The following NOS1 variants were observed in gnomAD, a reference collection of about 807,000 sequenced individuals.
NOS1 encodes nitric oxide synthase 1.
NOS1 carries 51 observed loss-of-function variants against 164.5 expected under a neutral mutation model. The ratio of observed to expected loss-of-function variants is 0.31; its 90% CI spans 0.25 to 0.39. The LOEUF (loss-of-function observed/expected upper bound fraction) is 0.39, where lower values mean the gene tolerates loss of function less well. NOS1 is among the 10% of genes least tolerant of loss of function. The probability of loss-of-function intolerance (pLI) is 1.00; values close to 1 mark genes in which losing one functional copy is unlikely to be tolerated. For synonymous variants in NOS1, 719 were observed against 745.8 expected (o/e 0.96, Z 0.59); for missense variants, 1,362 against 1,885.6 (o/e 0.72, Z 5.14).
At chr12:117,266,100 TTTTC>T (rs1872387714) in intron 11 of NOS1, among the ~76,000 whole-genome samples, 1 of 151,616 alleles carries the variant, frequency 6.6e-6, no homozygotes, top group Non-Finnish European at 1.5e-5. Flanking sequence ...TGCCCGGCCT[TTTTC>T]TTTTTCTATT....
intron 21 of NOS1, among the ~76,000 whole-genome samples, chr12:117,232,819 T>C (rs1483467064): frequency 6.6e-6 from 1 of 152,166 alleles, no homozygotes; most frequent in Non-Finnish European, 1.5e-5. Context: ...AAAAGCTCTA[T>C]TTCAACACAG....
intron 3 of NOS1, among the ~76,000 whole-genome samples, chr12:117,292,517 C>T (rs565954869): frequency 1.1e-4 from 17 of 152,230 alleles, no homozygotes; most frequent in African/African-American, 2.9e-4. Flanking sequence ...CAGAGAACTG[C>T]GAAGGACTAA....
At chr12:117,334,319 G>T (rs1238485237) in intron 1 of NOS1, among the ~76,000 whole-genome samples, 3 of 152,170 alleles carry the variant, frequency 2.0e-5, no homozygotes. Context: ...CTGGGGAGAG[G>T]CAGATATATT....
At chr12:117,317,597 C>T (rs3782212) in intron 2 of NOS1, among the ~76,000 whole-genome samples, 39,878 of 151,616 alleles carry the variant, frequency 0.26, 5,644 homozygotes, top group Non-Finnish European at 0.31. Flanking sequence ...AGCATCTCAA[C>T]GCAATGCTTC....
At chr12:117,305,101 A>G (rs1312055535) in intron 3 of NOS1, 3 of 983,132 alleles carry the variant, frequency 3.1e-6, no homozygotes, top group Non-Finnish European at 3.6e-6. Context: ...TCTTTGTGAC[A>G]TTAACAATGC....
chr12:117,330,583 A>T lies in NOS1; in HGVS notation c.487T>A (p.Tyr163Asn). The T allele has an allele frequency of 6.2e-7, 1 of 1,612,690 alleles. No individual in the cohort carries two copies. ...GAGCCAGCCTCCTGCCCATCATCGT[A>T]GGCATGCTGAGGCCCATTCCCGGGA... ...SGPGNGPQHA[Y>N]DDGQEAGSLP... The change falls in exon 2 of 29, where the codon TAC (tyrosine) becomes AAC (asparagine). Residue 163 changes from tyrosine to asparagine, a missense_variant. Transcript: ENST00000317775. The surrounding 1 kb of genome is among the most constrained non-coding windows in gnomAD (Gnocchi z 4.6).
At chr12:117,265,610 G>A in intron 11 of NOS1, 100 bp from the exon 12 acceptor site, 2 of 894,300 alleles carry the variant, frequency 2.2e-6, no homozygotes, top group Non-Finnish European at 3.2e-6. Context: ...GGTGGTCCCT[G>A]AGATGGTTTA....
chr12:117,351,662 C>T (rs1593043931), intron 1 of NOS1, among the ~76,000 whole-genome samples: 2 of 152,276 alleles, frequency 1.3e-5, no homozygotes, highest in African/African-American at 4.8e-5. Context: ...TCAACCTTGC[C>T]AAGAAACTGA....
chr12:117,325,063 T>C (rs1875176465), intron 2 of NOS1, among the ~76,000 whole-genome samples: 1 of 152,212 alleles, frequency 6.6e-6, no homozygotes, highest in Non-Finnish European at 1.5e-5. Context: ...CCACCTCAGC[T>C]TGGCTCCCCG....
chr12:117,310,833 T>A lies in NOS1; in HGVS notation c.852+633A>T, dbSNP rs563881599. ...ACTAATTAAAAAAAAATTTTTTTTT[T>A]AAAAGAGATAGGGTCTCGCTATGTA... On this transcript the variant is annotated intron_variant, in intron 3 of 28. Transcript: ENST00000317775. Among the ~76,000 whole-genome samples the A allele has an allele frequency of 2.5e-4, 38 of 152,174 alleles. No individual in the cohort carries two copies. In the South Asian group the frequency reaches 5.8e-3, roughly 23 times the overall value.
chr12:117,250,871 T>C (rs1871047194), intron 17 of NOS1, among the ~76,000 whole-genome samples: 1 of 152,212 alleles, frequency 6.6e-6, no homozygotes, highest in African/African-American at 2.4e-5. Flanking sequence ...CTGTGATTTA[T>C]GTTTGTGATG....
At position 117,265,390 on chromosome 12, in the gene NOS1, T is replaced by A; in HGVS notation, c.2062A>T (p.Met688Leu). 6.3e-7 allele frequency: 1 copy of A among 1,589,702 alleles called. No individual in the cohort carries two copies. The highest frequency in any genetic ancestry group is 8.6e-7 in the Non-Finnish European group (1 of 1,167,782). ...PADWVWIVPP[M>L]SGSITPVFHQ... The stretch of plus-strand genomic sequence containing the variant: ...AACACAGGGGTGATGCTTCCGGACA[T>A]GGGGGGCACGATCCACACCCAGTCG... Residue 688 changes from methionine to leucine, a missense_variant, in exon 12 of 29, where the codon ATG (methionine) becomes TTG (leucine). Physicochemically the swap from Met to Leu is conservative, Grantham distance 15. This residue lies in a region of NOS1 where 737 missense variants were observed against 1,030.3 expected (regional missense o/e 0.72). Coordinates refer to ENST00000317775, the MANE Select transcript of NOS1 (RefSeq NM_000620.5).
chr12:117,288,399 A>C (rs1872847317), intron 4 of NOS1, among the ~76,000 whole-genome samples, 180 bp from the exon 5 acceptor site: 1 of 152,182 alleles, frequency 6.6e-6, no homozygotes, highest in African/African-American at 2.4e-5. Context: ...GTTAAGGAAC[A>C]ATAAGTAGCA....
chr12:117,322,693 C>G, intron 2 of NOS1, among the ~76,000 whole-genome samples: 1 of 141,794 alleles, frequency 7.1e-6, no homozygotes, highest in Non-Finnish European at 1.5e-5. Context: ...TTCCTTCCTT[C>G]CTTCCCTCCT....
At position 117,361,540 on chromosome 12, in the gene NOS1, C is replaced by G. The variant is rs1236308132; in HGVS notation, c.-449G>C. 1 of 152,064 alleles carries G rather than the reference C, an allele frequency of 6.6e-6. No homozygotes were observed. The highest frequency in any genetic ancestry group is 1.5e-5 in the Non-Finnish European group (1 of 68,092). 9.4% of individuals were successfully genotyped at this position (152,064 alleles called of 1,614,324 possible). On this transcript the variant is annotated 5_prime_UTR_variant, in exon 1 of 29. Coordinates refer to ENST00000317775, the MANE Select transcript of NOS1 (RefSeq NM_000620.5). ...GTCCGCTCGGCCGCTGCTCGCTGCC[C>G]GGCCGCCCCTCGGAGGAGCCGCGGC...
At chr12:117,263,267 T>C (rs990890587) in intron 13 of NOS1, among the ~76,000 whole-genome samples, 2 of 152,054 alleles carry the variant, frequency 1.3e-5, no homozygotes, top group Admixed American at 1.3e-4. Flanking sequence ...GGGTCAGCCC[T>C]GAACGAGGGT....
Position 117,286,535 on chromosome 12 carries a change from G to A in NOS1, c.1128-269C>T, listed in dbSNP as rs187149997. 6.4e-4 allele frequency among the ~76,000 whole-genome samples: 97 copies of A among 152,222 alleles called. 1 individual carries two copies. Among genetic ancestry groups the A allele is most frequent in the Admixed American group, 1.6e-3 (24 of 15,292 alleles). ...GGCCTTGTCCAAAGCGGGCAGCCAC[G>A]GCTCCACTCCTGTCAGTTGTCACCT... On this transcript the variant is annotated intron_variant, in intron 5 of 28. Coordinates refer to ENST00000317775, the MANE Select transcript of NOS1 (RefSeq NM_000620.5).
intron 17 of NOS1, among the ~76,000 whole-genome samples, chr12:117,249,744 T>C (rs1025172624): frequency 6.6e-6 from 1 of 152,002 alleles, no homozygotes; most frequent in Non-Finnish European, 1.5e-5. Flanking sequence ...TATTTCTCTA[T>C]GTTGAGGTGG....
chr12:117,268,164 C>G lies in NOS1; in HGVS notation c.1840-20G>C. 1 of 1,509,716 alleles carries G rather than the reference C, an allele frequency of 6.6e-7. No homozygotes were observed. The allele number at this position is 1,509,716 out of a possible 1,614,324, so 93.5% of individuals were successfully genotyped here. On this transcript the variant is annotated intron_variant, in intron 10 of 28. Transcript: ENST00000317775. ...CACTTCCTGAAAGAGGAAGGAAACA[C>G]AGATATACAGGCTGGGGTATCTCTG...
Sources: allele counts gnomAD v4.1 joint callset (sites outside exome capture counted in the v4.1 genomes callset), GRCh38; gene constraint gnomAD v4.1.1; regional missense constraint gnomAD v4.1.1; non-coding constraint Gnocchi (gnomAD v3.1); transcripts MANE v1.5; gene names NCBI Gene and HGNC (gene_info 2026-07-23, HGNC 2026-07-21).